ROR1: variants seen among roughly 807,000 people sequenced by gnomAD.
ROR1 encodes inactive tyrosine-protein kinase transmembrane receptor ROR1.
A neutral mutation model predicts 78.8 loss-of-function variants in ROR1; 19 were observed. The observed-to-expected ratio is 0.24, with a 90% CI of 0.17 to 0.35. The LOEUF is 0.35. ROR1 is among the 10% of genes least tolerant of loss of function. The pLI, the probability that ROR1 is intolerant of heterozygous loss-of-function variation, is 1.00. For missense variants in ROR1, 917 were observed against 1,177.8 expected, an observed-to-expected ratio of 0.78 and a Z score of 3.24; for synonymous variants, 386 against 433.6, an observed-to-expected ratio of 0.89 and a Z score of 1.36.
rs1646646500 is a variant in ROR1 at position 64,029,977 on chromosome 1, T to A, written c.164-19714T>A. 2.0e-5 allele frequency among the ~76,000 whole-genome samples: 3 copies of A among 152,200 alleles called. No homozygotes were observed. In the South Asian group the frequency reaches 6.2e-4, roughly 31 times the overall value. On this transcript the variant is annotated intron_variant, in intron 2 of 8. Transcript: ENST00000371079. ...TCAAATGTCATTTCCCATGAAGCCT[T>A]CTCTGGTTTTCCAGTCAAATTTAGT...
chr1:64,162,829 G>T (rs1649982984), intron 8 of ROR1, among the ~76,000 whole-genome samples: 1 of 152,070 alleles, frequency 6.6e-6, no homozygotes, highest in East Asian at 1.9e-4. Context: ...CTTCTCAGAG[G>T]AGCCTGGAAA....
chr1:64,178,882 T>G lies in ROR1; in HGVS notation c.*27T>G. ...ATGCACAACTTTTGTAAATGTGGTA[T>G]ACAGGACAAACTAGACGGCCGTAGA... On this transcript the variant is annotated 3_prime_UTR_variant, in exon 9 of 9. Transcript: ENST00000371079. The surrounding 1 kb of genome is among the most constrained non-coding windows in gnomAD (Gnocchi z 4.3). The G allele has an allele frequency of 1.3e-6, 2 of 1,545,498 alleles. No homozygotes were observed. Among genetic ancestry groups the G allele is most frequent in the South Asian group, 1.2e-5 (1 of 86,368 alleles).
chr1:64,036,123 A>C (rs771339656), intron 2 of ROR1, among the ~76,000 whole-genome samples: 1 of 152,158 alleles, frequency 6.6e-6, no homozygotes, highest in Non-Finnish European at 1.5e-5. Context: ...CAGATATGGA[A>C]ACTGAAGACT....
chr1:64,137,897 G>T lies in ROR1; in HGVS notation c.610+401G>T, dbSNP rs369305718. Among the ~76,000 whole-genome samples, 7 of 152,222 alleles carry T rather than the reference G, an allele frequency of 4.6e-5. No homozygotes were observed. The South Asian group carries it at 8.3e-4, about 18-fold the overall frequency. ...GATGAATTTAGAGTTTAGAGTTCTGGACACTCATCCCAGAACTATTATGAC... is the reference window on the plus strand; with the variant it reads ...GATGAATTTAGAGTTTAGAGTTCTGTACACTCATCCCAGAACTATTATGAC... On this transcript the variant is annotated intron_variant, in intron 5 of 8. Transcript: ENST00000371079.
At chr1:64,035,116 C>T (rs1646691859) in intron 2 of ROR1, among the ~76,000 whole-genome samples, 1 of 152,172 alleles carries the variant, frequency 6.6e-6, no homozygotes, top group African/African-American at 2.4e-5. Context: ...GAGGCTGTGG[C>T]ACACACTAGC....
chr1:63,822,406 T>A (rs1343585959), intron 1 of ROR1, among the ~76,000 whole-genome samples: 1 of 152,200 alleles, frequency 6.6e-6, no homozygotes, highest in Non-Finnish European at 1.5e-5. Context: ...CATCCAGAAG[T>A]CCTCAATTTT....
At chr1:63,987,834 A>G (rs1646264385) in intron 1 of ROR1, among the ~76,000 whole-genome samples, 1 of 152,174 alleles carries the variant, frequency 6.6e-6, no homozygotes, top group Non-Finnish European at 1.5e-5. Flanking sequence ...AAGCCAGGCT[A>G]TTTGTACATT....
At position 64,177,745 on chromosome 1, in the gene ROR1, C is replaced by T. The variant is rs1404364312; in HGVS notation, c.1704C>T (p.Ser568=). The change falls in exon 9 of 9, where the codon TCC becomes TCT. Residue 568 remains serine (S), a synonymous_variant. Transcript: ENST00000371079. Reference sequence around the variant, plus strand: ...TCCATGAGTTCCTCATCATGAGATCCCCACACTCTGATGTTGGCTGCAGCA... The same window carrying T: ...TCCATGAGTTCCTCATCATGAGATCTCCACACTCTGATGTTGGCTGCAGCA... The part of the protein sequence containing the change: ...GDLHEFLIMR[S]PHSDVGCSSD... 1 of 1,613,932 alleles carries T rather than the reference C, an allele frequency of 6.2e-7. No individual in the cohort carries two copies.
chr1:63,906,641 G>C (rs1220153615), intron 1 of ROR1, among the ~76,000 whole-genome samples: 2 of 152,184 alleles, frequency 1.3e-5, no homozygotes, highest in Admixed American at 1.3e-4. Context: ...CTGTCTGCCA[G>C]ATTCATGGGG....
intron 4 of ROR1, among the ~76,000 whole-genome samples, chr1:64,134,913 T>C (rs1649049560): frequency 6.6e-6 from 1 of 152,036 alleles, no homozygotes; most frequent in Non-Finnish European, 1.5e-5. Context: ...CACACCCAAC[T>C]AATTTTTGTA....
chr1:64,002,166 G>GC (rs1646389736), intron 1 of ROR1, among the ~76,000 whole-genome samples: 1 of 133,344 alleles, frequency 7.5e-6, no homozygotes, highest in Non-Finnish European at 1.5e-5. Flanking sequence ...ACGGAGTCTC[G>GC]CTCTGTCACC....
At chr1:63,812,840 GT>G (rs1326088133) in intron 1 of ROR1, among the ~76,000 whole-genome samples, 1 of 152,114 alleles carries the variant, frequency 6.6e-6, no homozygotes, top group Non-Finnish European at 1.5e-5. Context: ...ATTGATCCTA[GT>G]TTATAGATGA....
chr1:64,000,811 A>G (rs1479003564), intron 1 of ROR1, among the ~76,000 whole-genome samples: 2 of 152,160 alleles, frequency 1.3e-5, no homozygotes, highest in African/African-American at 4.8e-5. Context: ...CCAAACGGGA[A>G]TATGTATTCT....
chr1:64,023,024 A>G (rs193177764), intron 2 of ROR1, among the ~76,000 whole-genome samples: 4 of 152,346 alleles, frequency 2.6e-5, no homozygotes, highest in Non-Finnish European at 4.4e-5. Flanking sequence ...GCGATCATCT[A>G]TTGAAGACAC....
chr1:64,041,821 T>C (rs1254022829), intron 2 of ROR1, among the ~76,000 whole-genome samples: 1 of 152,218 alleles, frequency 6.6e-6, no homozygotes, highest in Non-Finnish European at 1.5e-5. Context: ...CTTTTCACTT[T>C]TAACCATCAT....
intron 7 of ROR1, among the ~76,000 whole-genome samples, chr1:64,152,504 G>A (rs922729083): frequency 1.3e-5 from 2 of 152,156 alleles, no homozygotes; most frequent in African/African-American, 2.4e-5. Context: ...GCATCATGCT[G>A]TTGCTGGGTT....
chr1:63,850,572 T>G (rs374284826), intron 1 of ROR1, among the ~76,000 whole-genome samples: 1 of 150,958 alleles, frequency 6.6e-6, no homozygotes, highest in South Asian at 2.1e-4. Flanking sequence ...TATGAGAAAC[T>G]ATCACAGTTT....
chr1:64,051,654 C>G (rs1646833397), intron 4 of ROR1, among the ~76,000 whole-genome samples: 1 of 152,022 alleles, frequency 6.6e-6, no homozygotes, highest in South Asian at 2.1e-4. Flanking sequence ...GTCATTTGTT[C>G]TGGCTAAAGG....
At chr1:64,175,486 A>G (rs1650356223) in intron 8 of ROR1, among the ~76,000 whole-genome samples, 1 of 152,206 alleles carries the variant, frequency 6.6e-6, no homozygotes, top group Non-Finnish European at 1.5e-5. Flanking sequence ...ACAATACTAT[A>G]TTGAATAGAA....
Sources: gnomAD v4.1 joint callset for allele counts (sites outside exome capture counted in the v4.1 genomes callset) on GRCh38, gnomAD v4.1.1 for gene constraint, Gnocchi (gnomAD v3.1) non-coding constraint, MANE v1.5 for transcripts, NCBI Gene and HGNC (gene_info 2026-07-23, HGNC 2026-07-21) for gene names.